TADA2A: variants seen among roughly 807,000 people sequenced by gnomAD.
TADA2A encodes transcriptional adapter 2-alpha.
Under a neutral mutation model 67.4 loss-of-function variants are expected in TADA2A, and 38 were observed. The ratio of observed to expected loss-of-function variants is 0.56; its 90% CI spans 0.44 to 0.74. TADA2A has a LOEUF of 0.74. Among genes scored for constraint, TADA2A ranks in the 30% least tolerant of loss-of-function variants. TADA2A has a pLI of 0.00. For synonymous variants in TADA2A, 192 were observed against 181.6 expected (o/e 1.06, Z -0.46); for missense variants, 454 against 547.0 (o/e 0.83, Z 1.70).
intron 7 of TADA2A, among the ~76,000 whole-genome samples, chr17:37,444,465 A>G (rs2053016840): frequency 6.6e-6 from 1 of 152,088 alleles, no homozygotes; most frequent in Admixed American, 6.6e-5. Context: ...CTTCATTCCT[A>G]AACTCATAAC....
intron 1 of TADA2A, chr17:37,408,490 A>AT (rs2051729790): frequency 6.6e-6 from 1 of 152,224 alleles, no homozygotes; most frequent in African/African-American, 2.4e-5. Flanking sequence ...ACTTCAGGTG[A>AT]TCTGCCTGCC....
At chr17:37,412,434 A>T (rs1180576504) in intron 2 of TADA2A, among the ~76,000 whole-genome samples, 6 of 152,046 alleles carry the variant, frequency 3.9e-5, no homozygotes, top group African/African-American at 1.2e-4. Flanking sequence ...CGGTAGAATA[A>T]TTTAGAGAAT....
rs1236515480 is a variant in TADA2A at position 37,449,287 on chromosome 17, C to T, written c.604+4519C>T. Among the ~76,000 whole-genome samples, 43 of 152,202 alleles carry T rather than the reference C, an allele frequency of 2.8e-4. 1 individual carries two copies. Among genetic ancestry groups the T allele is most frequent in the Admixed American group, 2.8e-3 (43 of 15,282 alleles). ...CCACCCGCCTCAGCCTCCCAAAGTG[C>T]TGGGATTACAGGCGTGAGCCACCGT... is the stretch of plus-strand genomic sequence containing the variant. On this transcript the variant is annotated intron_variant, in intron 8 of 15. Coordinates refer to ENST00000615182, the MANE Select transcript of TADA2A (RefSeq NM_001166105.3).
At chr17:37,466,725 T>C (rs2053671779) in intron 11 of TADA2A, among the ~76,000 whole-genome samples, 1 of 152,208 alleles carries the variant, frequency 6.6e-6, no homozygotes, top group East Asian at 1.9e-4. Flanking sequence ...CCCTGGTTTA[T>C]GTGTCATTCC....
chr17:37,419,896 T>C (rs1248415833), intron 2 of TADA2A, among the ~76,000 whole-genome samples: 1 of 145,576 alleles, frequency 6.9e-6, no homozygotes, highest in African/African-American at 2.5e-5. Flanking sequence ...GCACTTGTAG[T>C]CCCAGCTACT....
At chr17:37,475,893 T>C (rs2053883327) in intron 15 of TADA2A, among the ~76,000 whole-genome samples, 1 of 152,238 alleles carries the variant, frequency 6.6e-6, no homozygotes, top group South Asian at 2.1e-4. Context: ...TCAGAAAACT[T>C]TGTCACATCT....
intron 10 of TADA2A, among the ~76,000 whole-genome samples, chr17:37,463,318 G>T (rs1679445565): frequency 6.6e-6 from 1 of 151,962 alleles, no homozygotes; most frequent in Admixed American, 6.6e-5. Context: ...TAACCTAATG[G>T]TTAGGTTTGT....
rs2053750670 is a variant in TADA2A at position 37,469,970 on chromosome 17, ACT to A, written c.896-427_896-426del. On this transcript the variant is annotated intron_variant, in intron 12 of 15. Transcript: ENST00000615182. ...GAAGAGGTACTACATGTCAAAGAGAACTCTTTTTTTGTAATTCTAATTGTTTT... is the reference window on the plus strand; with the variant it reads ...GAAGAGGTACTACATGTCAAAGAGAACTTTTTTTGTAATTCTAATTGTTTT... Among the ~76,000 whole-genome samples the A allele has an allele frequency of 7.9e-5, 12 of 152,148 alleles. 1 individual carries two copies. In the South Asian group the frequency reaches 1.9e-3, roughly 24 times the overall value.
In TADA2A at chr17:37,440,797, A is replaced by G. The variant is rs927380724; in HGVS notation, c.442+135A>G. On this transcript the variant is annotated intron_variant, in intron 6 of 15. Coordinates refer to ENST00000615182, the MANE Select transcript of TADA2A (RefSeq NM_001166105.3). ...GATAGGAGGAGTTAGTATGGCAGCT[A>G]TTGAGAGTCAGGATCGACCCAGCAT... 1.1e-5 allele frequency: 13 copies of G among 1,158,572 alleles called. No individual in the cohort carries two copies. In the African/African-American group the frequency reaches 1.5e-4, roughly 14 times the overall value. 71.8% of individuals were successfully genotyped at this position (1,158,572 alleles called of 1,614,324 possible).
At chr17:37,426,880 A>G (rs970118716) in intron 3 of TADA2A, 70 bp from the exon 4 acceptor site, 29 of 1,435,832 alleles carry the variant, frequency 2.0e-5, no homozygotes, top group Admixed American at 5.0e-5. Flanking sequence ...ACTTGTCAGA[A>G]GAATAACACA....
At chr17:37,423,736 A>G (rs1597860173) in intron 3 of TADA2A, 121 bp downstream of exon 3, 7 of 709,728 alleles carry the variant, frequency 9.9e-6, no homozygotes, top group Non-Finnish European at 1.5e-5. Context: ...ATTCCTTCCA[A>G]TTTTTCTTTT....
intron 4 of TADA2A, among the ~76,000 whole-genome samples, chr17:37,428,742 CT>C (rs143372372): frequency 0.059 from 8,906 of 152,192 alleles, 313 homozygotes; most frequent in Middle Eastern, 0.099. Context: ...CCATGCCTGG[CT>C]AATTTAAAAA....
At chr17:37,418,815 C>T (rs2052137206) in intron 2 of TADA2A, among the ~76,000 whole-genome samples, 1 of 151,918 alleles carries the variant, frequency 6.6e-6, no homozygotes, top group South Asian at 2.1e-4. Context: ...TCTTAAACCC[C>T]TAACCTCTAG....
At chr17:37,471,275 T>C in intron 14 of TADA2A, 138 bp downstream of exon 14, 1 of 804,096 alleles carries the variant, frequency 1.2e-6, no homozygotes, top group Non-Finnish European at 2.1e-6. Flanking sequence ...TAGCCCAATA[T>C]ATAAACATCA....
rs937855573 is a variant in TADA2A at position 37,477,127 on chromosome 17, A to G, written c.*145A>G. On this transcript the variant is annotated 3_prime_UTR_variant, in exon 16 of 16. Transcript: ENST00000615182. ...AAGGACAAAGGAAACCTTAAGTTGT[A>G]TTGTCTACTTTCTTCTCCATCCTGC... 4.5e-5 allele frequency: 36 copies of G among 806,056 alleles called. No individual in the cohort carries two copies. Among genetic ancestry groups the G allele is most frequent in the Non-Finnish European group, 5.9e-5 (31 of 527,522 alleles). 49.9% of individuals were successfully genotyped at this position (806,056 alleles called of 1,614,324 possible).
At chr17:37,445,118 A>T (rs2053037295) in intron 8 of TADA2A, among the ~76,000 whole-genome samples, 1 of 152,206 alleles carries the variant, frequency 6.6e-6, no homozygotes, top group Admixed American at 6.5e-5. Flanking sequence ...CTTCACTAGC[A>T]ACTGCTATCA....
At chr17:37,421,094 G>T (rs1169149757) in intron 2 of TADA2A, among the ~76,000 whole-genome samples, 1 of 146,774 alleles carries the variant, frequency 6.8e-6, no homozygotes, top group Non-Finnish European at 1.5e-5. Flanking sequence ...AAGCTTCCTG[G>T]GTTTCAATTC....
At chr17:37,410,482 C>G (rs1045145601) in intron 1 of TADA2A, among the ~76,000 whole-genome samples, 1 of 151,860 alleles carries the variant, frequency 6.6e-6, no homozygotes, top group Non-Finnish European at 1.5e-5. Context: ...GGCCCTGTTA[C>G]GTACTTGTTG....
intron 5 of TADA2A, among the ~76,000 whole-genome samples, chr17:37,440,066 C>T (rs2052865867): frequency 6.6e-6 from 1 of 151,746 alleles, no homozygotes. Flanking sequence ...GCCTCAGCCT[C>T]CCAAGTAGCT....
Sources: allele counts gnomAD v4.1 joint callset (sites outside exome capture counted in the v4.1 genomes callset), GRCh38; gene constraint gnomAD v4.1.1; transcripts MANE v1.5; gene names NCBI Gene and HGNC (gene_info 2026-07-23, HGNC 2026-07-21).